Variants in KCTD8 observed in about 807,000 individuals in gnomAD.
KCTD8 encodes the protein potassium channel tetramerization domain containing 8.
Under a neutral mutation model 31.5 loss-of-function variants are expected in KCTD8, and 27 were observed. The ratio of observed to expected loss-of-function variants is 0.86; its 90% CI spans 0.63 to 1.18. The LOEUF is 1.18. KCTD8 is among the 50% of genes most tolerant of loss of function. The pLI, the probability that KCTD8 is intolerant of heterozygous loss-of-function variation, is 0.00. For synonymous variants in KCTD8, 290 were observed against 280.0 expected, an observed-to-expected ratio of 1.04 and a Z score of -0.36; for missense variants, 658 against 647.7, an observed-to-expected ratio of 1.02 and a Z score of -0.17.
At position 44,419,217 on chromosome 4, in the gene KCTD8, T is replaced by C. The variant is rs142749949; in HGVS notation, c.961+28346A>G. Among the ~76,000 whole-genome samples, 296 of 152,276 alleles carry C rather than the reference T, an allele frequency of 1.9e-3. 2 individuals carry two copies. The highest frequency in any genetic ancestry group is 6.9e-3 in the African/African-American group (286 of 41,560). On this transcript the variant is annotated intron_variant, in intron 1 of 1. Coordinates refer to ENST00000360029, the MANE Select transcript of KCTD8 (RefSeq NM_198353.3). Reference sequence around the variant, plus strand: ...AAGCCCTGAAGTAAAGGTGGGTGCATTCAAATCACCAACAGCTACAAGACC... The same window carrying C: ...AAGCCCTGAAGTAAAGGTGGGTGCACTCAAATCACCAACAGCTACAAGACC...
intron 1 of KCTD8, among the ~76,000 whole-genome samples, chr4:44,213,785 C>T (rs1239626846): frequency 6.6e-6 from 1 of 152,120 alleles, no homozygotes; most frequent in African/African-American, 2.4e-5. Context: ...TCAGGACATA[C>T]AACCCAAAAT....
chr4:44,378,946 T>C (rs1719990077), intron 1 of KCTD8, among the ~76,000 whole-genome samples: 1 of 152,108 alleles, frequency 6.6e-6, no homozygotes, highest in Non-Finnish European at 1.5e-5. Flanking sequence ...CTTTGCTAAC[T>C]TCCAGAGGCC....
At chr4:44,220,570 AT>A (rs922717101) in intron 1 of KCTD8, among the ~76,000 whole-genome samples, 7 of 152,170 alleles carry the variant, frequency 4.6e-5, no homozygotes, top group Admixed American at 3.3e-4. Context: ...GAGCATTATG[AT>A]TTTGACCTCT....
At chr4:44,216,208 T>C (rs1430364086) in intron 1 of KCTD8, among the ~76,000 whole-genome samples, 1 of 152,204 alleles carries the variant, frequency 6.6e-6, no homozygotes, top group Non-Finnish European at 1.5e-5. Context: ...AGTTTTCTAA[T>C]TCCCATTCGC....
chr4:44,219,811 G>A (rs967793858), intron 1 of KCTD8, among the ~76,000 whole-genome samples: 3 of 152,116 alleles, frequency 2.0e-5, no homozygotes, highest in Admixed American at 6.6e-5. Flanking sequence ...CATCTTATCT[G>A]CATAAAAATA....
intron 1 of KCTD8, among the ~76,000 whole-genome samples, chr4:44,203,751 A>G (rs752380056): frequency 1.7e-4 from 26 of 151,982 alleles, no homozygotes; most frequent in African/African-American, 2.9e-4. Context: ...AAAGACTGAT[A>G]AAGTGGGAAT....
At chr4:44,279,690 G>A (rs1716846798) in intron 1 of KCTD8, among the ~76,000 whole-genome samples, 1 of 152,084 alleles carries the variant, frequency 6.6e-6, no homozygotes, top group Non-Finnish European at 1.5e-5. Flanking sequence ...AAGGATTAGT[G>A]TGAGGATCAA....
At chr4:44,416,173 T>G (rs1721075097) in intron 1 of KCTD8, among the ~76,000 whole-genome samples, 2 of 152,216 alleles carry the variant, frequency 1.3e-5, no homozygotes, top group Non-Finnish European at 2.9e-5. Context: ...TTTCAGATTT[T>G]TATGGAGCCT....
At chr4:44,299,876 C>G (rs539646845) in intron 1 of KCTD8, among the ~76,000 whole-genome samples, 3 of 151,304 alleles carry the variant, frequency 2.0e-5, no homozygotes, top group Admixed American at 1.3e-4. Flanking sequence ...CCTCAGCCTC[C>G]GAGTAGCTGG....
chr4:44,325,259 A>T (rs537532188), intron 1 of KCTD8, among the ~76,000 whole-genome samples: 22 of 152,060 alleles, frequency 1.4e-4, no homozygotes, highest in African/African-American at 5.3e-4. Flanking sequence ...GGAGAAATTC[A>T]AAGTGAAGAG....
At chr4:44,402,761 C>T (rs1021888317) in intron 1 of KCTD8, among the ~76,000 whole-genome samples, 3 of 152,202 alleles carry the variant, frequency 2.0e-5, no homozygotes, top group Admixed American at 2.0e-4. Flanking sequence ...TATTTCTGAG[C>T]ATTTCAGGAA....
intron 1 of KCTD8, among the ~76,000 whole-genome samples, chr4:44,241,762 G>C (rs1715462632): frequency 6.6e-6 from 1 of 152,128 alleles, no homozygotes; most frequent in South Asian, 2.1e-4. Context: ...CGGTTAACCA[G>C]ATCCCTAGTA....
At chr4:44,376,366 C>CT (rs1719916532) in intron 1 of KCTD8, among the ~76,000 whole-genome samples, 1 of 152,152 alleles carries the variant, frequency 6.6e-6, no homozygotes, top group Admixed American at 6.5e-5. Context: ...GTTCCCAAGG[C>CT]TAAGATTTGC....
chr4:44,344,018 C>G (rs920164196), intron 1 of KCTD8, among the ~76,000 whole-genome samples: 4 of 151,678 alleles, frequency 2.6e-5, no homozygotes, highest in African/African-American at 9.7e-5. Flanking sequence ...ACCACCACAC[C>G]CAGCTAATTT....
intron 1 of KCTD8, among the ~76,000 whole-genome samples, chr4:44,288,560 A>C (rs1180379353): frequency 6.6e-6 from 1 of 152,124 alleles, no homozygotes; most frequent in Non-Finnish European, 1.5e-5. Flanking sequence ...GATACTTTGC[A>C]TAGTTGAAAC....
chr4:44,419,821 G>A (rs1370311679), intron 1 of KCTD8, among the ~76,000 whole-genome samples: 1 of 151,740 alleles, frequency 6.6e-6, no homozygotes, highest in Admixed American at 6.6e-5. Flanking sequence ...TGCACATTGT[G>A]CACATGTACC....
At chr4:44,200,018 T>C (rs1172241354) in intron 1 of KCTD8, among the ~76,000 whole-genome samples, 3 of 149,662 alleles carry the variant, frequency 2.0e-5, no homozygotes, top group African/African-American at 7.7e-5. Flanking sequence ...GAAAGGGTAC[T>C]GTAAACACCT....
chr4:44,253,075 T>C (rs1715890064), intron 1 of KCTD8, among the ~76,000 whole-genome samples: 1 of 151,782 alleles, frequency 6.6e-6, no homozygotes, highest in East Asian at 1.9e-4. Context: ...ACTAAGTTAT[T>C]CATTATGTGT....
At chr4:44,257,452 C>G (rs1716022167) in intron 1 of KCTD8, among the ~76,000 whole-genome samples, 1 of 151,976 alleles carries the variant, frequency 6.6e-6, no homozygotes, top group African/African-American at 2.4e-5. Flanking sequence ...AAGGCTAGGA[C>G]TGTCCCTTAG....
Sources: gnomAD v4.1 joint callset for allele counts (sites outside exome capture counted in the v4.1 genomes callset) on GRCh38, gnomAD v4.1.1 for gene constraint, MANE v1.5 for transcripts, NCBI Gene and HGNC (gene_info 2026-07-23, HGNC 2026-07-21) for gene names.